Variants in GPHN observed in about 807,000 individuals in gnomAD.
GPHN encodes gephyrin.
A neutral mutation model predicts 95.5 loss-of-function variants in GPHN; 17 were observed. That is an observed-to-expected ratio of 0.18 (90% confidence interval 0.12 to 0.27). The LOEUF (loss-of-function observed/expected upper bound fraction) is 0.27, where lower values mean the gene tolerates loss of function less well. Among genes scored for constraint, GPHN ranks in the 10% least tolerant of loss-of-function variants. GPHN has a pLI of 1.00. For synonymous variants in GPHN, 320 were observed against 322.5 expected (o/e 0.99, Z 0.08); for missense variants, 660 against 978.1 (o/e 0.67, Z 4.34).
intron 9 of GPHN, among the ~76,000 whole-genome samples, chr14:67,023,221 A>G (rs1160989599): frequency 2.0e-5 from 3 of 152,124 alleles, no homozygotes; most frequent in South Asian, 2.1e-4. Context: ...AAAAATTACT[A>G]TAATGGAATA....
intron 1 of GPHN, among the ~76,000 whole-genome samples, chr14:66,554,492 G>C (rs2059934886): frequency 6.6e-6 from 1 of 152,146 alleles, no homozygotes; most frequent in Non-Finnish European, 1.5e-5. Context: ...GGGGTAGCAA[G>C]GACCTTCTTC....
At chr14:66,851,303 C>G (rs2062573131) in intron 4 of GPHN, among the ~76,000 whole-genome samples, 1 of 152,054 alleles carries the variant, frequency 6.6e-6, no homozygotes, top group Non-Finnish European at 1.5e-5. Flanking sequence ...ACAGCTCAAT[C>G]CTCAAGTGTA....
At chr14:66,513,247 C>G (rs564867240) in intron 1 of GPHN, among the ~76,000 whole-genome samples, 103 of 151,770 alleles carry the variant, frequency 6.8e-4, no homozygotes, top group African/African-American at 2.2e-3. Flanking sequence ...AATTTGACTT[C>G]AAAGTGAATA....
the GPHN span, chr14:67,690,501 G>A: frequency 8.8e-7 from 1 of 1,139,222 alleles, no homozygotes; most frequent in South Asian, 1.3e-5. Context: ...CCTCACCTAT[G>A]GGAGGCAGAT....
chr14:66,813,367 G>A (rs138559658), intron 3 of GPHN, among the ~76,000 whole-genome samples: 61 of 152,318 alleles, frequency 4.0e-4, no homozygotes, highest in African/African-American at 1.3e-3. Context: ...TACAGGGAAG[G>A]CATCAAGAGT....
the GPHN span, among the ~76,000 whole-genome samples, chr14:67,655,628 C>G: frequency 1.3e-5 from 2 of 151,406 alleles, no homozygotes; most frequent in Non-Finnish European, 2.9e-5. Context: ...TTTATGAAAT[C>G]TGGAAAACAG....
the GPHN span, among the ~76,000 whole-genome samples, chr14:67,532,846 C>T: frequency 8.5e-5 from 13 of 152,380 alleles, no homozygotes; most frequent in Non-Finnish European, 1.2e-4. Context: ...ATGCTGGAAC[C>T]TTTGGCGGAG....
the GPHN span, chr14:67,541,793 C>T: frequency 2.2e-6 from 3 of 1,360,836 alleles, no homozygotes; most frequent in Admixed American, 2.6e-5. Flanking sequence ...CTTCCTCACA[C>T]GCTTATTTAT....
At chr14:66,928,581 G>C (rs1166066789) in intron 8 of GPHN, among the ~76,000 whole-genome samples, 2 of 151,876 alleles carry the variant, frequency 1.3e-5, no homozygotes, top group African/African-American at 4.8e-5. Flanking sequence ...ATTTTCTCTA[G>C]CTTTTCTAGT....
chr14:66,948,015 T>C (rs1385015259), intron 8 of GPHN, among the ~76,000 whole-genome samples: 6 of 152,206 alleles, frequency 3.9e-5, no homozygotes, highest in Admixed American at 3.9e-4. Context: ...TCTGTTCCTA[T>C]ATTAAGTAAA....
the GPHN span, among the ~76,000 whole-genome samples, chr14:67,218,128 T>C: frequency 6.6e-6 from 1 of 152,138 alleles, no homozygotes; most frequent in Non-Finnish European, 1.5e-5. Context: ...ACCAGGCTGT[T>C]TCTCAGGTCA....
chr14:66,957,992 C>T (rs1010625039), intron 8 of GPHN, among the ~76,000 whole-genome samples: 28 of 152,136 alleles, frequency 1.8e-4, no homozygotes, highest in African/African-American at 2.7e-4. Flanking sequence ...ACCCCCAGTC[C>T]GTAGAAAAAT....
chr14:67,223,308 G>A, the GPHN span, among the ~76,000 whole-genome samples: 22 of 152,144 alleles, frequency 1.4e-4, no homozygotes, highest in Non-Finnish European at 2.5e-4. Flanking sequence ...CCCCCATTGG[G>A]CTTTAGTGTC....
At chr14:67,271,983 A>G in the GPHN span, 1 of 151,750 alleles carries the variant, frequency 6.6e-6, no homozygotes. Context: ...AGGCAAGAGA[A>G]TCGTTTGAAC....
chr14:67,301,811 G>A, the GPHN span, among the ~76,000 whole-genome samples: 2 of 152,074 alleles, frequency 1.3e-5, no homozygotes, highest in East Asian at 1.9e-4. Context: ...CCATTCCAGA[G>A]TATGCCCTTA....
At chr14:66,804,481 T>C (rs929951594) in intron 3 of GPHN, among the ~76,000 whole-genome samples, 2 of 152,228 alleles carry the variant, frequency 1.3e-5, no homozygotes, top group African/African-American at 4.8e-5. Context: ...CATGCTTCTG[T>C]ATACCACCAG....
At chr14:66,733,665 AC>A (rs1358443164) in intron 2 of GPHN, among the ~76,000 whole-genome samples, 1 of 152,206 alleles carries the variant, frequency 6.6e-6, no homozygotes, top group Admixed American at 6.5e-5. Context: ...TTTATCAAAG[AC>A]TAACATAATT....
rs1218819262 is a variant in GPHN, at chr14:66,838,193, A to T, written c.294+13627A>T. Among the ~76,000 whole-genome samples the T allele has an allele frequency of 2.6e-5, 4 of 152,198 alleles. 1 individual carries two copies. The East Asian group carries it at 7.7e-4, about 29-fold the overall frequency. Reference sequence around the variant, plus strand: ...AACCTGTTTTCTTATGTGTAAAATGATAGTAAGAGTACTTGCCTCATAGGG... The same window carrying T: ...AACCTGTTTTCTTATGTGTAAAATGTTAGTAAGAGTACTTGCCTCATAGGG... On this transcript the variant is annotated intron_variant, in intron 4 of 22. Transcript: ENST00000478722.
At chr14:67,131,829 G>C (rs1359564004) in intron 17 of GPHN, among the ~76,000 whole-genome samples, 3 of 152,052 alleles carry the variant, frequency 2.0e-5, no homozygotes, top group Non-Finnish European at 4.4e-5. Flanking sequence ...CATTAATTGA[G>C]TTTATATAAT....
Sources: gnomAD v4.1 joint callset for allele counts (sites outside exome capture counted in the v4.1 genomes callset) on GRCh38, gnomAD v4.1.1 for gene constraint, MANE v1.5 for transcripts, NCBI Gene and HGNC (gene_info 2026-07-23, HGNC 2026-07-21) for gene names.